MIXL1: variants seen among roughly 807,000 people sequenced by gnomAD.
MIXL1 encodes homeobox protein MIXL1.
MIXL1 carries 9 observed loss-of-function variants against 9.3 expected under a neutral mutation model. The observed-to-expected ratio is 0.97, with a 90% confidence interval of 0.58 to 1.69. The LOEUF (loss-of-function observed/expected upper bound fraction) is 1.69. Among genes scored for constraint, MIXL1 ranks in the 40% most tolerant of loss-of-function variants. The pLI is 0.00. For missense variants in MIXL1, 330 were observed against 331.7 expected, an observed-to-expected ratio of 0.99 and a Z score of 0.04; for synonymous variants, 164 against 155.6, an observed-to-expected ratio of 1.05 and a Z score of -0.40.
In MIXL1 at chr1:226,223,909, C is replaced by G. The variant is rs751675243; in HGVS notation, c.228C>G (p.Pro76=). ...CCAGCCTGGGCTCGCCTGCGCCCCC[C>G]AAAGGCGCGGCCGCCCCGTCGGCGT... is the stretch of plus-strand genomic sequence containing the variant. ...PPASLGSPAP[P]KGAAAPSASQ... is the part of the protein sequence containing the mutation. Residue 76 remains proline (P), a synonymous_variant, in exon 1 of 2, where the codon CCC becomes CCG. Transcript: ENST00000366810. 40 of 1,332,726 alleles carry G rather than the reference C, an allele frequency of 3.0e-5. No homozygotes were observed. The highest frequency in any genetic ancestry group is 3.9e-5 in the Non-Finnish European group (40 of 1,033,992). 82.6% of individuals were successfully genotyped at this position (1,332,726 alleles called of 1,614,324 possible). A position where few individuals can be genotyped will look rare whatever the true frequency, so the allele number is the denominator to read the frequency against.
At chr1:226,224,170 T>A (rs1576257969) in intron 1 of MIXL1, 96 bp downstream of exon 1, 1 of 1,145,336 alleles carries the variant, frequency 8.7e-7, no homozygotes, top group East Asian at 3.2e-5. Context: ...CCCGGGACGT[T>A]GCAGGCACGG....
intron 1 of MIXL1, among the ~76,000 whole-genome samples, chr1:226,224,797 G>T (rs1400381937): frequency 6.6e-6 from 1 of 152,068 alleles, no homozygotes; most frequent in African/African-American, 2.4e-5. Flanking sequence ...CAGCCACCAC[G>T]CCCAGCTAAT....
rs769184138 is a variant in MIXL1 at position 226,224,042 on chromosome 1, G to A, written c.361G>A (p.Ala121Thr). 2.2e-6 allele frequency: 3 copies of A among 1,393,496 alleles called. No homozygotes were observed. The highest frequency in any genetic ancestry group is 4.8e-5 in the Admixed American group (2 of 41,812). 86.3% of individuals were successfully genotyped at this position (1,393,496 alleles called of 1,614,324 possible). Residue 121 changes from alanine to threonine, a missense_variant, in exon 1 of 2, where the codon GCG becomes ACG. Ala to Thr is a moderately conservative substitution (Grantham distance 58, BLOSUM62 0). Coordinates refer to ENST00000366810, the MANE Select transcript of MIXL1 (RefSeq NM_031944.3). The part of the protein sequence containing the change: ...PDIHLRERLA[A>T]LTLLPESRIQ... ...CATCCACTTGCGCGAGCGCCTGGCCGCGCTCACCCTGCTCCCCGAGTCCAG... is the reference window on the plus strand; with the variant it reads ...CATCCACTTGCGCGAGCGCCTGGCCACGCTCACCCTGCTCCCCGAGTCCAG...
chr1:226,225,928 T>C lies in MIXL1; in HGVS notation c.*116T>C. ...TGCTAAGGACATGTCCTTGTTAACC[T>C]TGATGATGGTTTTGACAGCACCTCT... On this transcript the variant is annotated 3_prime_UTR_variant, in exon 2 of 2. Coordinates refer to ENST00000366810, the MANE Select transcript of MIXL1 (RefSeq NM_031944.3). The C allele has an allele frequency of 5.6e-6, 5 of 886,892 alleles. No individual in the cohort carries two copies. Among genetic ancestry groups the C allele is most frequent in the Non-Finnish European group, 8.7e-6 (5 of 573,512 alleles). The allele number at this position is 886,892 out of a possible 1,614,324, so 54.9% of individuals were successfully genotyped here.
chr1:226,224,016 A>T lies in MIXL1; in HGVS notation c.335A>T (p.Asp112Val). ...ELVFRRTRYP[D>V]IHLRERLAAL... ...GTCTTCCGCCGGACCCGGTACCCCG[A>T]CATCCACTTGCGCGAGCGCCTGGCC... is the stretch of plus-strand genomic sequence containing the variant. Residue 112 changes from aspartate (D) to valine (V), a missense_variant, in exon 1 of 2, where the codon GAC (aspartate) becomes GTC (valine). Physicochemically the swap from Asp to Val is radical, Grantham distance 152. Coordinates refer to ENST00000366810, the MANE Select transcript of MIXL1 (RefSeq NM_031944.3). 1 of 1,434,322 alleles carries T rather than the reference A, an allele frequency of 7.0e-7. No individual in the cohort carries two copies. The highest frequency in any genetic ancestry group is 1.5e-5 in the South Asian group (1 of 66,080). The allele number at this position is 1,434,322 out of a possible 1,614,324, so 88.8% of individuals were successfully genotyped here.
At position 226,226,447 on chromosome 1, in the gene MIXL1, AGTGG is replaced by A. The variant is rs968601271; in HGVS notation, c.*640_*643del. The A allele has an allele frequency of 1.3e-5, 2 of 152,158 alleles. No homozygotes were observed. The highest frequency in any genetic ancestry group is 1.3e-4 in the Admixed American group (2 of 15,250). The allele number at this position is 152,158 out of a possible 1,614,324, so 9.4% of individuals were successfully genotyped here. On this transcript the variant is annotated 3_prime_UTR_variant, in exon 2 of 2. Transcript: ENST00000366810. ...GCAATCTCAGCACTTTGGGAGGCCG[AGTGG>A]GTGGATCACCTGAAGTCAGGAGTTC...
chr1:226,225,873 A>C lies in MIXL1; in HGVS notation c.*61A>C, dbSNP rs1409194336. The C allele has an allele frequency of 2.3e-6, 3 of 1,313,684 alleles. No homozygotes were observed. The Admixed American group carries it at 5.8e-5, about 26-fold the overall frequency. The allele number at this position is 1,313,684 out of a possible 1,614,324, so 81.4% of individuals were successfully genotyped here. Reference sequence around the variant, plus strand: ...CCATGACTGACAGCCTGGGAGAGACACATCAGCATACTGTCCTTTCTGACT... The same window carrying C: ...CCATGACTGACAGCCTGGGAGAGACCCATCAGCATACTGTCCTTTCTGACT... On this transcript the variant is annotated 3_prime_UTR_variant, in exon 2 of 2. Transcript: ENST00000366810.
chr1:226,224,180 G>A, intron 1 of MIXL1, 106 bp downstream of exon 1: 1 of 1,067,626 alleles, frequency 9.4e-7, no homozygotes, highest in Non-Finnish European at 1.2e-6. Flanking sequence ...TGCAGGCACG[G>A]TGCTTCCCCT....
intron 1 of MIXL1, 96 bp downstream of exon 1, chr1:226,224,170 T>C: frequency 8.7e-7 from 1 of 1,145,336 alleles, no homozygotes. Context: ...CCCGGGACGT[T>C]GCAGGCACGG....
At position 226,226,059 on chromosome 1, in the gene MIXL1, A is replaced by AT. The variant is rs1657153607; in HGVS notation, c.*249dup. 9.0e-6 allele frequency: 4 copies of AT among 443,230 alleles called. No homozygotes were observed. The South Asian group carries it at 1.2e-4, about 14-fold the overall frequency. The allele number at this position is 443,230 out of a possible 1,614,324, so 27.5% of individuals were successfully genotyped here. On this transcript the variant is annotated 3_prime_UTR_variant, in exon 2 of 2. Transcript: ENST00000366810. ...ACCTGTGTTCTCTCCAAGCCTGCACATTCCATTGGTCTGCATCCCTATGCC... is the reference window on the plus strand; with the variant it reads ...ACCTGTGTTCTCTCCAAGCCTGCACATTTCCATTGGTCTGCATCCCTATGCC...
At position 226,225,972 on chromosome 1, in the gene MIXL1, G is replaced by T. The variant is rs566678887; in HGVS notation, c.*160G>T. On this transcript the variant is annotated 3_prime_UTR_variant, in exon 2 of 2. Coordinates refer to ENST00000366810, the MANE Select transcript of MIXL1 (RefSeq NM_031944.3). The stretch of plus-strand genomic sequence containing the variant: ...CACCTCTCACATTTGAAGGTACCCC[G>T]CCACTTTGTCAATGACGTTTTAAGC... 3.4e-5 allele frequency: 23 copies of T among 674,878 alleles called. No homozygotes were observed. In the African/African-American group the frequency reaches 3.9e-4, roughly 12 times the overall value. 41.8% of individuals were successfully genotyped at this position (674,878 alleles called of 1,614,324 possible). A position where few individuals can be genotyped will look rare whatever the true frequency, so the allele number is the denominator to read the frequency against.
Position 226,223,927 on chromosome 1 carries a change from G to T in MIXL1, c.246G>T (p.Pro82=). Residue 82 remains proline (P), a synonymous_variant, in exon 1 of 2, where the codon CCG becomes CCT. Coordinates refer to ENST00000366810, the MANE Select transcript of MIXL1 (RefSeq NM_031944.3). ...SPAPPKGAAA[P]SASQRRKRTS... is the part of the protein sequence containing the mutation. Reference sequence around the variant, plus strand: ...CGCCCCCCAAAGGCGCGGCCGCCCCGTCGGCGTCGCAGCGCCGCAAGCGCA... The same window carrying T: ...CGCCCCCCAAAGGCGCGGCCGCCCCTTCGGCGTCGCAGCGCCGCAAGCGCA... 2 of 1,389,130 alleles carry T rather than the reference G, an allele frequency of 1.4e-6. No homozygotes were observed. Among genetic ancestry groups the T allele is most frequent in the Non-Finnish European group, 9.4e-7 (1 of 1,062,152 alleles). The allele number at this position is 1,389,130 out of a possible 1,614,324, so 86.1% of individuals were successfully genotyped here.
Position 226,224,058 on chromosome 1 carries a change from C to G in MIXL1, c.377C>G (p.Pro126Arg). ...CGCCTGGCCGCGCTCACCCTGCTCC[C>G]CGAGTCCAGGATCCAGGTGAGGGCC... The part of the protein sequence containing the change: ...RERLAALTLL[P>R]ESRIQVWFQN... Residue 126 changes from proline (P) to arginine (R), a missense_variant, in exon 1 of 2, where the codon CCC becomes CGC. Physicochemically the swap from Pro to Arg is moderately radical, Grantham distance 103. Coordinates refer to ENST00000366810, the MANE Select transcript of MIXL1 (RefSeq NM_031944.3). The G allele has an allele frequency of 7.4e-7, 1 of 1,356,178 alleles. No individual in the cohort carries two copies. Among genetic ancestry groups the G allele is most frequent in the Non-Finnish European group, 9.6e-7 (1 of 1,043,402 alleles). 84.0% of individuals were successfully genotyped at this position (1,356,178 alleles called of 1,614,324 possible).
chr1:226,224,367 C>T (rs1657102063), intron 1 of MIXL1, among the ~76,000 whole-genome samples: 1 of 152,164 alleles, frequency 6.6e-6, no homozygotes, highest in Admixed American at 6.5e-5. Flanking sequence ...AAGTAATTCC[C>T]AGCAGGAAGA....
In MIXL1 at chr1:226,223,935, C is replaced by A; in HGVS notation, c.254C>A (p.Ser85Ter). 1 of 1,412,762 alleles carries A rather than the reference C, an allele frequency of 7.1e-7. No homozygotes were observed. The highest frequency in any genetic ancestry group is 9.3e-7 in the Non-Finnish European group (1 of 1,073,482). 87.5% of individuals were successfully genotyped at this position (1,412,762 alleles called of 1,614,324 possible). The change falls in exon 1 of 2, where the codon TCG becomes TAG. Residue 85 changes from serine to a stop codon, truncating the protein, a stop_gained. Coordinates refer to ENST00000366810, the MANE Select transcript of MIXL1 (RefSeq NM_031944.3). LOFTEE classifies it high-confidence loss of function. ...PPKGAAAPSA[S>*]QRRKRTSFSA... ...AAAGGCGCGGCCGCCCCGTCGGCGT[C>A]GCAGCGCCGCAAGCGCACGTCTTTC...
At position 226,223,739 on chromosome 1, in the gene MIXL1, T is replaced by A; in HGVS notation, c.58T>A (p.Tyr20Asn). 2 of 1,444,746 alleles carry A rather than the reference T, an allele frequency of 1.4e-6. No individual in the cohort carries two copies. The highest frequency in any genetic ancestry group is 1.8e-6 in the Non-Finnish European group (2 of 1,102,376). 89.5% of individuals were successfully genotyped at this position (1,444,746 alleles called of 1,614,324 possible). The change falls in exon 1 of 2, where the codon TAC becomes AAC. Residue 20 changes from tyrosine to asparagine, a missense_variant. Tyr to Asn is a moderately radical substitution (Grantham distance 143). Coordinates refer to ENST00000366810, the MANE Select transcript of MIXL1 (RefSeq NM_031944.3). ...QFAEGAAFPA[Y>N]RAPHAGGALL... The stretch of plus-strand genomic sequence containing the variant: ...TGCCGAGGGCGCCGCGTTTCCAGCG[T>A]ACCGGGCCCCCCACGCCGGCGGGGC...
chr1:226,224,194 G>C (rs954875280), intron 1 of MIXL1, 120 bp downstream of exon 1: 17 of 962,838 alleles, frequency 1.8e-5, no homozygotes, highest in Non-Finnish European at 2.3e-5. Flanking sequence ...TTCCCCTGAG[G>C]CTCTGCGTAC....
Position 226,225,689 on chromosome 1 carries a change from G to A in MIXL1, c.576G>A (p.Gly192=). Residue 192 remains glycine, a synonymous_variant, in exon 2 of 2, where the codon GGG becomes GGA. Transcript: ENST00000366810. The part of the protein sequence containing the change: ...NCLPEPNGVG[G]GISDSSSQGQ... ...TGCCCGAACCAAACGGGGTTGGAGG[G>A]GGCATCTCTGACTCTAGCTCCCAAG... is the stretch of plus-strand genomic sequence containing the variant. 1 of 1,614,170 alleles carries A rather than the reference G, an allele frequency of 6.2e-7. No homozygotes were observed.
At position 226,225,602 on chromosome 1, in the gene MIXL1, T is replaced by A; in HGVS notation, c.489T>A (p.Ala163=). 2 of 1,614,232 alleles carry A rather than the reference T, an allele frequency of 1.2e-6. No individual in the cohort carries two copies. Among genetic ancestry groups the A allele is most frequent in the Non-Finnish European group, 1.7e-6 (2 of 1,180,038 alleles). Residue 163 remains alanine, a synonymous_variant, in exon 2 of 2, where the codon GCT becomes GCA. Transcript: ENST00000366810. The part of the protein sequence containing the change: ...ARPEIILNHC[A]PGTETKCLKP... ...CGGAGATTATCCTCAACCACTGTGCTCCTGGAACTGAAACGAAATGTCTGA... is the reference window on the plus strand; with the variant it reads ...CGGAGATTATCCTCAACCACTGTGCACCTGGAACTGAAACGAAATGTCTGA...
Sources: gnomAD v4.1 joint callset for allele counts (sites outside exome capture counted in the v4.1 genomes callset) on GRCh38, gnomAD v4.1.1 for gene constraint, MANE v1.5 for transcripts, NCBI Gene and HGNC (gene_info 2026-07-23, HGNC 2026-07-21) for gene names.